COL12A1: variants seen among roughly 807,000 people sequenced by gnomAD.
COL12A1 encodes collagen alpha-1(XII) chain.
In COL12A1, 114 loss-of-function variants were observed where a neutral mutation model predicts 349.7. That is an observed-to-expected ratio of 0.33 (90% CI 0.28 to 0.38). The LOEUF is 0.38. Among genes scored for constraint, COL12A1 ranks in the 10% least tolerant of loss-of-function variants. The pLI is 1.00. For synonymous variants in COL12A1, 1,369 were observed against 1,329.0 expected (o/e 1.03, Z -0.66); for missense variants, 3,284 against 3,756.9 (o/e 0.87, Z 3.29).
intron 14 of COL12A1, among the ~76,000 whole-genome samples, chr6:75,164,292 A>G (rs1356486738): frequency 2.0e-5 from 3 of 152,200 alleles, no homozygotes; most frequent in African/African-American, 4.8e-5. Context: ...ATGAACTTAG[A>G]CACAAAGATT....
chr6:75,120,139 A>G (rs1437075212), intron 44 of COL12A1, among the ~76,000 whole-genome samples: 2 of 152,202 alleles, frequency 1.3e-5, no homozygotes, highest in African/African-American at 4.8e-5. Context: ...TTAATAAAAT[A>G]TGATCAGTAT....
chr6:75,203,786 C>T (rs999049854), intron 1 of COL12A1, among the ~76,000 whole-genome samples: 1 of 152,180 alleles, frequency 6.6e-6, no homozygotes, highest in Non-Finnish European at 1.5e-5. Flanking sequence ...ACAAAAGCTA[C>T]TAGCAAGGAA....
intron 38 of COL12A1, among the ~76,000 whole-genome samples, chr6:75,127,657 T>C (rs1766082782): frequency 6.6e-6 from 1 of 152,100 alleles, no homozygotes; most frequent in Admixed American, 6.6e-5. Flanking sequence ...CATAGTTACA[T>C]CAGTATCTCT....
At chr6:75,122,889 A>G (rs1765817204) in intron 43 of COL12A1, among the ~76,000 whole-genome samples, 1 of 152,234 alleles carries the variant, frequency 6.6e-6, no homozygotes, top group East Asian at 1.9e-4. Flanking sequence ...AATTTTGGTG[A>G]ATGGAAAATT....
Position 75,113,241 on chromosome 6 carries a change from T to G in COL12A1, c.7913A>C (p.Glu2638Ala). Residue 2638 changes from glutamate to alanine, a missense_variant, in exon 51 of 66, where the codon GAA (glutamate) becomes GCA (alanine). Physicochemically the swap from Glu to Ala is moderately radical, Grantham distance 107 (BLOSUM62 -1). Coordinates refer to ENST00000322507, the MANE Select transcript of COL12A1 (RefSeq NM_004370.6). ...TCCATAAAATAATGTCTTTACTTCTTCTGTGTCAAATGTAACAGTTTGCAC... is the reference window on the plus strand; with the variant it reads ...TCCATAAAATAATGTCTTTACTTCTGCTGTGTCAAATGTAACAGTTTGCAC... ...GEVQTVTFDT[E>A]EVKTLFYGSF... 6.4e-7 allele frequency: 1 copy of G among 1,566,350 alleles called. No homozygotes were observed. Among genetic ancestry groups the G allele is most frequent in the Non-Finnish European group, 8.6e-7 (1 of 1,158,498 alleles).
intron 26 of COL12A1, 42 bp downstream of exon 26, chr6:75,143,210 G>T (rs1224975485): frequency 1.2e-6 from 2 of 1,608,266 alleles, no homozygotes; most frequent in Non-Finnish European, 8.5e-7. Flanking sequence ...AAACCTACTA[G>T]GAAAACAAAT....
intron 51 of COL12A1, among the ~76,000 whole-genome samples, chr6:75,110,148 GC>G (rs1262010360): frequency 6.6e-6 from 1 of 151,832 alleles, no homozygotes; most frequent in African/African-American, 2.4e-5. Flanking sequence ...AAGTTTAAAT[GC>G]CCCCAGGACA....
At chr6:75,123,893 A>G in intron 42 of COL12A1, 55 bp downstream of exon 42, 2 of 1,545,936 alleles carry the variant, frequency 1.3e-6, no homozygotes, top group South Asian at 1.2e-5. Context: ...TTCCTTACCT[A>G]GAGCATTCTA....
chr6:75,085,251 T>C lies in COL12A1; in HGVS notation c.*1296A>G. The C allele has an allele frequency of 2.1e-6, 1 of 470,812 alleles. No individual in the cohort carries two copies. The highest frequency in any genetic ancestry group is 4.4e-6 in the Non-Finnish European group (1 of 227,056). The allele number at this position is 470,812 out of a possible 1,614,324, so 29.2% of individuals were successfully genotyped here. A position where few individuals can be genotyped will look rare whatever the true frequency, so the allele number is the denominator to read the frequency against. On this transcript the variant is annotated 3_prime_UTR_variant, in exon 66 of 66. Coordinates refer to ENST00000322507, the MANE Select transcript of COL12A1 (RefSeq NM_004370.6). ...GCGCCGGTGGGGCTCAGGAGGCTCC[T>C]CTGCAGGCTCGTCTGCGCCGTAGTC...
At chr6:75,172,614 G>C (rs1768695910) in intron 13 of COL12A1, among the ~76,000 whole-genome samples, 1 of 152,144 alleles carries the variant, frequency 6.6e-6, no homozygotes, top group African/African-American at 2.4e-5. Context: ...AAGGTCCAAA[G>C]AAAAGGACAA....
chr6:75,162,191 A>C (rs1027007025), intron 14 of COL12A1, among the ~76,000 whole-genome samples: 10 of 152,222 alleles, frequency 6.6e-5, no homozygotes, highest in African/African-American at 2.4e-4. Flanking sequence ...CCACATAGCC[A>C]AGACAATCCT....
chr6:75,091,644 C>T (rs1582032889), intron 60 of COL12A1, 119 bp from the exon 61 acceptor site: 22 of 919,942 alleles, frequency 2.4e-5, no homozygotes, highest in Middle Eastern at 6.7e-4. Flanking sequence ...CAAAATGACA[C>T]ATCACATTTA....
At position 75,139,047 on chromosome 6, in the gene COL12A1, A is replaced by G. The variant is rs913751021; in HGVS notation, c.4958-86T>C. On this transcript the variant is annotated intron_variant, in intron 27 of 65. Transcript: ENST00000322507. The stretch of plus-strand genomic sequence containing the variant: ...TATAATAAAAACTGCCTTGTTTTAT[A>G]TTAATGGACATCTGAAAACTGATTG... The G allele has an allele frequency of 2.1e-6, 3 of 1,458,320 alleles. No individual in the cohort carries two copies. The African/African-American group carries it at 4.2e-5, about 21-fold the overall frequency. 90.3% of individuals were successfully genotyped at this position (1,458,320 alleles called of 1,614,324 possible). A position where few individuals can be genotyped will look rare whatever the true frequency, so the allele number is the denominator to read the frequency against.
intron 44 of COL12A1, among the ~76,000 whole-genome samples, chr6:75,120,617 T>A (rs1026129577): frequency 1.3e-5 from 2 of 152,162 alleles, no homozygotes; most frequent in Admixed American, 1.3e-4. Flanking sequence ...TTCAAAAGCA[T>A]GGAATGGGTA....
At chr6:75,193,381 A>T (rs1057221029) in intron 3 of COL12A1, among the ~76,000 whole-genome samples, 1 of 152,190 alleles carries the variant, frequency 6.6e-6, no homozygotes, top group Non-Finnish European at 1.5e-5. Flanking sequence ...TTTTTAAATC[A>T]TCTTTTTAAA....
At position 75,152,385 on chromosome 6, in the gene COL12A1, G is replaced by T; in HGVS notation, c.3663C>A (p.Phe1221Leu). ...GRANFRTVRSFISRIVEVFDI... is the reference protein window; with the variant it reads ...GRANFRTVRSLISRIVEVFDI... ...CAAAGACTTCCACAATACGAGAAAT[G>T]AAACTCCTCACGGTTCTAAAATTTG... Residue 1221 changes from phenylalanine to leucine, a missense_variant, in exon 18 of 66, where the codon TTC becomes TTA. By Grantham distance (22) the Phe-to-Leu change is conservative. Coordinates refer to ENST00000322507, the MANE Select transcript of COL12A1 (RefSeq NM_004370.6). 2 of 1,613,592 alleles carry T rather than the reference G, an allele frequency of 1.2e-6. No individual in the cohort carries two copies. Among genetic ancestry groups the T allele is most frequent in the Non-Finnish European group, 1.7e-6 (2 of 1,179,716 alleles).
Position 75,134,792 on chromosome 6 carries a change from T to C in COL12A1, c.5458A>G (p.Thr1820Ala), listed in dbSNP as rs1461567926. 4 of 1,613,320 alleles carry C rather than the reference T, an allele frequency of 2.5e-6. No individual in the cohort carries two copies. Among genetic ancestry groups the C allele is most frequent in the African/African-American group, 1.3e-5 (1 of 74,886 alleles). ...LQKLKPDTPY[T>A]ITVSSLYPDG... Reference sequence around the variant, plus strand: ...GGATACAGAGAGGATACGGTGATAGTGTAAGGAGTGTCTGGCTTCAGTTTC... The same window carrying C: ...GGATACAGAGAGGATACGGTGATAGCGTAAGGAGTGTCTGGCTTCAGTTTC... The change falls in exon 32 of 66, where the codon ACT (threonine) becomes GCT (alanine). Residue 1820 changes from threonine to alanine, a missense_variant. Coordinates refer to ENST00000322507, the MANE Select transcript of COL12A1 (RefSeq NM_004370.6).
At chr6:75,118,337 A>G (rs529054446) in intron 46 of COL12A1, among the ~76,000 whole-genome samples, 6 of 152,338 alleles carry the variant, frequency 3.9e-5, no homozygotes, top group Admixed American at 2.6e-4. Flanking sequence ...AAATTTAGCC[A>G]AAGAATCATG....
At chr6:75,201,713 A>G (rs1770539163) in intron 2 of COL12A1, among the ~76,000 whole-genome samples, 1 of 152,206 alleles carries the variant, frequency 6.6e-6, no homozygotes, top group African/African-American at 2.4e-5. Flanking sequence ...TCCAGTGACA[A>G]CTGAGGGGCC....
Sources: allele counts gnomAD v4.1 joint callset (sites outside exome capture counted in the v4.1 genomes callset), GRCh38; gene constraint gnomAD v4.1.1; transcripts MANE v1.5; gene names NCBI Gene and HGNC (gene_info 2026-07-23, HGNC 2026-07-21).